LAMA2: variants seen among roughly 807,000 people sequenced by gnomAD.
The protein encoded by LAMA2 is laminin subunit alpha-2.
In LAMA2, 269 loss-of-function variants were observed where a neutral mutation model predicts 364.8. The ratio of observed to expected loss-of-function variants is 0.74; its 90% CI spans 0.67 to 0.82. LAMA2 has a LOEUF of 0.82. Ranked by LOEUF, LAMA2 falls within the 40% of genes least tolerant of loss-of-function variation. LAMA2 has a pLI of 0.00. For synonymous variants in LAMA2, 1,379 were observed against 1,370.6 expected, an observed-to-expected ratio of 1.01 and a Z score of -0.14; for missense variants, 3,807 against 3,873.2, an observed-to-expected ratio of 0.98 and a Z score of 0.45.
intron 1 of LAMA2, among the ~76,000 whole-genome samples, chr6:129,013,508 T>C (rs1582872266): frequency 6.6e-6 from 1 of 152,022 alleles, no homozygotes; most frequent in Non-Finnish European, 1.5e-5. Flanking sequence ...ATTAAGGTGG[T>C]CAAGGAAAAC....
chr6:129,076,989 A>G (rs906477749), intron 3 of LAMA2, among the ~76,000 whole-genome samples: 1 of 152,154 alleles, frequency 6.6e-6, no homozygotes, highest in African/African-American at 2.4e-5. Flanking sequence ...GATTATACTA[A>G]TATAATAAGT....
intron 2 of LAMA2, among the ~76,000 whole-genome samples, chr6:129,054,294 G>A (rs1406732033): frequency 4.6e-5 from 7 of 152,168 alleles, no homozygotes; most frequent in African/African-American, 1.7e-4. Flanking sequence ...TACTCTTGGA[G>A]CATTACAGGG....
At chr6:129,373,417 T>G (rs912142714) in intron 34 of LAMA2, among the ~76,000 whole-genome samples, 1 of 152,200 alleles carries the variant, frequency 6.6e-6, no homozygotes, top group African/African-American at 2.4e-5. Context: ...TCCCCATTGT[T>G]AACATCTTAC....
intron 1 of LAMA2, among the ~76,000 whole-genome samples, chr6:128,884,294 A>G (rs1055222727): frequency 2.6e-5 from 4 of 151,988 alleles, no homozygotes; most frequent in Admixed American, 2.6e-4. Context: ...CAATTCTTTA[A>G]GTTGGAAAAC....
At chr6:129,217,974 T>TA (rs1210181556) in intron 12 of LAMA2, among the ~76,000 whole-genome samples, 3 of 152,152 alleles carry the variant, frequency 2.0e-5, no homozygotes, top group African/African-American at 2.4e-5. Flanking sequence ...TCCAGGCTTT[T>TA]AAAAAAAATT....
At position 129,135,016 on chromosome 6, in the gene LAMA2, C is replaced by T. The variant is rs527415764; in HGVS notation, c.640-8885C>T. On this transcript the variant is annotated intron_variant, in intron 4 of 64. Transcript: ENST00000421865. The stretch of plus-strand genomic sequence containing the variant: ...CCTTCTCAGGGGACCTGGGCACCGT[C>T]GGATCCCATGACAGGTCCTACATGG... Among the ~76,000 whole-genome samples the T allele has an allele frequency of 7.9e-5, 12 of 152,148 alleles. No individual in the cohort carries two copies. The East Asian group carries it at 1.7e-3, about 22-fold the overall frequency.
At chr6:128,906,620 A>G (rs1181838483) in intron 1 of LAMA2, among the ~76,000 whole-genome samples, 73 of 151,588 alleles carry the variant, frequency 4.8e-4, no homozygotes, top group Non-Finnish European at 8.0e-4. Flanking sequence ...CTTTTGCTGC[A>G]CAGAAGCTCT....
At chr6:129,022,615 C>T (rs1425191044) in intron 1 of LAMA2, among the ~76,000 whole-genome samples, 1 of 152,056 alleles carries the variant, frequency 6.6e-6, no homozygotes. Context: ...TGGACAAAAT[C>T]AATAGATAGA....
intron 2 of LAMA2, among the ~76,000 whole-genome samples, chr6:129,056,897 A>ATTT (rs11321173): frequency 7.1e-6 from 1 of 141,280 alleles, no homozygotes; most frequent in Non-Finnish European, 1.5e-5. Context: ...TGCCTGTGCT[A>ATTT]TTTTTTTTTT....
intron 35 of LAMA2, among the ~76,000 whole-genome samples, chr6:129,384,731 G>C (rs564805421): frequency 6.6e-6 from 1 of 151,962 alleles, no homozygotes; most frequent in African/African-American, 2.4e-5. Flanking sequence ...CAAATCCCAC[G>C]TCTATACACC....
intron 1 of LAMA2, among the ~76,000 whole-genome samples, chr6:128,958,855 G>A (rs888901806): frequency 1.8e-4 from 28 of 151,764 alleles, no homozygotes; most frequent in African/African-American, 4.8e-4. Flanking sequence ...ATTTACCCCC[G>A]GATTTAAAAA....
At chr6:129,453,981 ATAT>A (rs1782825136) in intron 46 of LAMA2, among the ~76,000 whole-genome samples, 171 bp from the exon 47 acceptor site, 1 of 150,824 alleles carries the variant, frequency 6.6e-6, no homozygotes, top group Non-Finnish European at 1.5e-5. Flanking sequence ...TAAAAATAAA[ATAT>A]TATTTTAATA....
chr6:129,341,383 C>A (rs1776259881), intron 29 of LAMA2, among the ~76,000 whole-genome samples: 1 of 152,194 alleles, frequency 6.6e-6, no homozygotes, highest in South Asian at 2.1e-4. Context: ...ATGTAAGTCA[C>A]TATTTTGACC....
intron 16 of LAMA2, among the ~76,000 whole-genome samples, chr6:129,269,179 T>G (rs1231674238): frequency 6.6e-6 from 1 of 151,988 alleles, no homozygotes; most frequent in Non-Finnish European, 1.5e-5. Context: ...GGTCTATATT[T>G]AAAAGACATT....
At position 128,883,257 on chromosome 6, in the gene LAMA2, C is replaced by G. The variant is rs2114357148; in HGVS notation, c.12C>G (p.Ala4=). 1.9e-6 allele frequency: 3 copies of G among 1,555,424 alleles called. No homozygotes were observed. The highest frequency in any genetic ancestry group is 2.6e-6 in the Non-Finnish European group (3 of 1,150,134). The change falls in exon 1 of 65, where the codon GCC becomes GCG. Residue 4 remains alanine (A), a synonymous_variant. Coordinates refer to ENST00000421865, the MANE Select transcript of LAMA2 (RefSeq NM_000426.4). ...TCGCGGCCACTACGATGCCGGGAGC[C>G]GCCGGGGTCCTCCTCCTTCTGCTGC... MPG[A]AGVLLLLLLS...
Position 128,950,930 on chromosome 6 carries a change from C to T in LAMA2, c.112+67573C>T, listed in dbSNP as rs560699494. Among the ~76,000 whole-genome samples, 14 of 152,156 alleles carry T rather than the reference C, an allele frequency of 9.2e-5. No individual in the cohort carries two copies. In the East Asian group the frequency reaches 2.7e-3, roughly 29 times the overall value. ...CATTAACTATTATTATTTGGTTTATCTGAAACATTCAAATGGTATAGCACT... is the reference window on the plus strand; with the variant it reads ...CATTAACTATTATTATTTGGTTTATTTGAAACATTCAAATGGTATAGCACT... On this transcript the variant is annotated intron_variant, in intron 1 of 64. Transcript: ENST00000421865.
At chr6:128,991,804 C>T (rs1459015071) in intron 1 of LAMA2, among the ~76,000 whole-genome samples, 1 of 152,156 alleles carries the variant, frequency 6.6e-6, no homozygotes, top group Non-Finnish European at 1.5e-5. Flanking sequence ...GTGCCCCTGA[C>T]ATCTGTACAT....
chr6:129,050,022 G>A lies in LAMA2; in HGVS notation c.217G>A (p.Val73Ile). Residue 73 changes from valine to isoleucine, a missense_variant, in exon 2 of 65, where the codon GTC becomes ATC. This residue lies in a region of LAMA2 where 394 missense variants were observed against 403.5 expected (regional missense o/e 0.98). Transcript: ENST00000421865. ...PEMYCKLVEHVPGQPVRNPQC... is the reference protein window; with the variant it reads ...PEMYCKLVEHIPGQPVRNPQC... ...AATGTACTGCAAATTGGTAGAACAT[G>A]TCCCTGGGCAGCCTGTGAGGAACCC... 1.9e-6 allele frequency: 3 copies of A among 1,614,104 alleles called. No homozygotes were observed. The highest frequency in any genetic ancestry group is 2.5e-6 in the Non-Finnish European group (3 of 1,179,994).
At chr6:129,284,937 T>G (rs1788995325) in intron 18 of LAMA2, among the ~76,000 whole-genome samples, 1 of 152,182 alleles carries the variant, frequency 6.6e-6, no homozygotes, top group Non-Finnish European at 1.5e-5. Context: ...GCCTTTGTTA[T>G]GTCAAGATAT....
Sources: allele counts gnomAD v4.1 joint callset (sites outside exome capture counted in the v4.1 genomes callset), GRCh38; gene constraint gnomAD v4.1.1; regional missense constraint gnomAD v4.1.1; transcripts MANE v1.5; gene names NCBI Gene and HGNC (gene_info 2026-07-23, HGNC 2026-07-21).